PTPRA: variants seen among roughly 807,000 people sequenced by gnomAD.
The protein encoded by PTPRA is receptor-type tyrosine-protein phosphatase alpha.
A neutral mutation model predicts 104.8 loss-of-function variants in PTPRA; 25 were observed. The ratio of observed to expected loss-of-function variants is 0.24; its 90% confidence interval spans 0.17 to 0.33. PTPRA has a LOEUF of 0.33. Ranked by LOEUF, PTPRA falls within the 10% of genes least tolerant of loss-of-function variation. PTPRA has a pLI of 1.00. For synonymous variants in PTPRA, 323 were observed against 368.9 expected, an observed-to-expected ratio of 0.88 and a Z score of 1.43; for missense variants, 765 against 1,015.3, an observed-to-expected ratio of 0.75 and a Z score of 3.35.
intron 1 of PTPRA, among the ~76,000 whole-genome samples, chr20:2,893,777 TA>T (rs1458036797): frequency 3.9e-5 from 6 of 152,164 alleles, no homozygotes; most frequent in African/African-American, 1.4e-4. Flanking sequence ...AAAGAGTATG[TA>T]AAAGCATGGT....
intron 13 of PTPRA, among the ~76,000 whole-genome samples, chr20:3,018,626 T>A (rs1288508507): frequency 2.0e-5 from 3 of 151,812 alleles, no homozygotes; most frequent in Non-Finnish European, 4.4e-5. Context: ...GTCTACTTCT[T>A]TCCACACAGA....
intron 13 of PTPRA, among the ~76,000 whole-genome samples, chr20:3,020,089 G>A (rs2064779325): frequency 6.6e-6 from 1 of 151,784 alleles, no homozygotes; most frequent in Non-Finnish European, 1.5e-5. Flanking sequence ...GGAGACCGTG[G>A]GGAGAGGGAG....
chr20:2,998,177 C>CAAAAAA (rs11475589), intron 9 of PTPRA, among the ~76,000 whole-genome samples: 1 of 83,196 alleles, frequency 1.2e-5, no homozygotes, highest in Non-Finnish European at 2.4e-5. Flanking sequence ...GACTCTGTCT[C>CAAAAAA]AAAAAAAAAA....
chr20:3,003,951 T>C (rs1483920326), intron 9 of PTPRA, among the ~76,000 whole-genome samples: 1 of 152,246 alleles, frequency 6.6e-6, no homozygotes, highest in Non-Finnish European at 1.5e-5. Flanking sequence ...ATTTGAATAC[T>C]TATTCTTTGC....
the PTPRA span, among the ~76,000 whole-genome samples, chr20:2,867,451 C>G: frequency 6.6e-6 from 1 of 152,246 alleles, no homozygotes; most frequent in Admixed American, 6.5e-5. Context: ...ACCCGCGGGG[C>G]CCTCTGCTCT....
intron 2 of PTPRA, among the ~76,000 whole-genome samples, chr20:2,926,769 C>CTTTTTTTTTTTTTTTTTTTT (rs777386962): frequency 1.6e-3 from 136 of 85,036 alleles, no homozygotes; most frequent in East Asian, 3.1e-3. Context: ...TTTCCTTTTC[C>CTTTTTTTTTTTTTTTTTTTT]TTTTTTTTTT....
chr20:2,865,537 A>G, the PTPRA span: 10 of 1,575,552 alleles, frequency 6.3e-6, no homozygotes, highest in Admixed American at 5.2e-5. The surrounding 1 kb of genome is among the most constrained non-coding windows in gnomAD (Gnocchi z 5.2). Flanking sequence ...CAGTGAGGGT[A>G]GTCTTCGGGA....
Position 3,035,665 on chromosome 20 carries a change from A to G in PTPRA, c.2001A>G (p.Glu667=). The G allele has an allele frequency of 6.2e-7, 1 of 1,614,136 alleles. No homozygotes were observed. Among genetic ancestry groups the G allele is most frequent in the Non-Finnish European group, 8.5e-7 (1 of 1,180,004 alleles). Residue 667 remains glutamate (E), a synonymous_variant, in exon 21 of 24, where the codon GAA becomes GAG. Coordinates refer to ENST00000399903, the MANE Select transcript of PTPRA (RefSeq NM_001385305.1). The surrounding 1 kb of genome is among the most constrained non-coding windows in gnomAD (Gnocchi z 5.8). The part of the protein sequence containing the change: ...DITVELKKEE[E]CESYTVRDLL... ...CAGTGGAACTGAAGAAGGAGGAGGA[A>G]TGTGAGAGCTACACCGTCCGAGACC...
At chr20:2,909,280 T>C (rs1183632792) in intron 1 of PTPRA, among the ~76,000 whole-genome samples, 1 of 151,724 alleles carries the variant, frequency 6.6e-6, no homozygotes, top group Non-Finnish European at 1.5e-5. Flanking sequence ...TGGAGCGAAA[T>C]CCTGTCTCAA....
At chr20:3,012,892 A>G (rs1339336841) in intron 11 of PTPRA, among the ~76,000 whole-genome samples, 1 of 152,232 alleles carries the variant, frequency 6.6e-6, no homozygotes, top group South Asian at 2.1e-4. Context: ...TTATGCAGCC[A>G]TCACCATAAA....
chr20:2,948,821 G>A (rs6084209), intron 3 of PTPRA, among the ~76,000 whole-genome samples: 79,897 of 151,418 alleles, frequency 0.53, 23,130 homozygotes, highest in African/African-American at 0.79. Context: ...GCGTGGTGGC[G>A]GGCACCTGTA....
At chr20:2,974,824 A>G (rs927478539) in intron 5 of PTPRA, among the ~76,000 whole-genome samples, 1 of 152,164 alleles carries the variant, frequency 6.6e-6, no homozygotes, top group African/African-American at 2.4e-5. Context: ...CTCGCCTTTG[A>G]AAAGAAGGTT....
chr20:2,969,579 G>T (rs73606192), intron 5 of PTPRA, among the ~76,000 whole-genome samples: 28,858 of 144,880 alleles, frequency 0.2, 3,297 homozygotes, highest in East Asian at 0.36. Context: ...AATAGGCCGG[G>T]CGCGGCGGCT....
chr20:3,013,926 A>G (rs6133003), intron 11 of PTPRA, among the ~76,000 whole-genome samples: 11,025 of 152,116 alleles, frequency 0.072, 925 homozygotes, highest in African/African-American at 0.19. Context: ...TCACTGTACA[A>G]GCATGTTTTC....
chr20:2,966,276 A>G (rs537618686), intron 5 of PTPRA, among the ~76,000 whole-genome samples: 3 of 152,336 alleles, frequency 2.0e-5, no homozygotes, highest in African/African-American at 7.2e-5. Context: ...TAAACCAGCC[A>G]TGTTTATGGC....
At chr20:3,002,619 G>T (rs538782497) in intron 9 of PTPRA, among the ~76,000 whole-genome samples, 2 of 152,050 alleles carry the variant, frequency 1.3e-5, no homozygotes, top group Non-Finnish European at 1.5e-5. Flanking sequence ...GAGCCACCGC[G>T]CCTGGCCCAA....
intron 20 of PTPRA, among the ~76,000 whole-genome samples, chr20:3,033,639 C>T (rs994240441): frequency 2.0e-5 from 3 of 152,288 alleles, no homozygotes; most frequent in Middle Eastern, 3.4e-3. Context: ...CGGCAGCTCA[C>T]GCCTGTAATC....
At chr20:2,889,225 G>A (rs1350191892) in intron 1 of PTPRA, among the ~76,000 whole-genome samples, 2 of 152,134 alleles carry the variant, frequency 1.3e-5, no homozygotes, top group African/African-American at 2.4e-5. Flanking sequence ...TGTAAGCATA[G>A]GCATTTTGTA....
rs2060160193 is a variant in PTPRA at position 2,923,192 on chromosome 20, T to A, written c.-128-15T>A. ...ATGTTGTATATTTCTAAAGGTATTT[T>A]TCCTTTTGTTGCAGGTGACACAACT... On this transcript the variant is annotated splice_polypyrimidine_tract_variant and intron_variant, in intron 1 of 23. Transcript: ENST00000399903. 1 of 1,099,166 alleles carries A rather than the reference T, an allele frequency of 9.1e-7. No individual in the cohort carries two copies. The highest frequency in any genetic ancestry group is 1.6e-5 in the African/African-American group (1 of 60,640). The allele number at this position is 1,099,166 out of a possible 1,614,324, so 68.1% of individuals were successfully genotyped here.
Sources: gnomAD v4.1 joint callset for allele counts (sites outside exome capture counted in the v4.1 genomes callset) on GRCh38, gnomAD v4.1.1 for gene constraint, Gnocchi (gnomAD v3.1) non-coding constraint, MANE v1.5 for transcripts, NCBI Gene and HGNC (gene_info 2026-07-23, HGNC 2026-07-21) for gene names.